Variants in NUDT1 observed in about 807,000 individuals in gnomAD.
The protein encoded by NUDT1 is oxidized purine nucleoside triphosphate hydrolase.
Under a neutral mutation model 11.3 loss-of-function variants are expected in NUDT1, and 16 were observed. The observed-to-expected ratio is 1.41, with a 90% CI of 0.96 to 2.15. The LOEUF (loss-of-function observed/expected upper bound fraction) is 2.15, where lower values mean the gene tolerates loss of function less well. NUDT1 is among the 30% of genes most tolerant of loss of function. The pLI is 0.00. For missense variants in NUDT1, 234 were observed against 208.4 expected, an observed-to-expected ratio of 1.12 and a Z score of -0.76; for synonymous variants, 101 against 84.4, an observed-to-expected ratio of 1.20 and a Z score of -1.08.
In NUDT1 at chr7:2,244,691, G is replaced by GCCCC. The variant is rs1794701173; in HGVS notation, c.118_119insCCCC (p.Gln40ProfsTer12). ...GGTGGAATGGCTTTGGGGGCAAAGT[G>GCCCC]CAAGAAGGAGAGACCATCGAGGATG... On this transcript the variant is annotated frameshift_variant, in exon 2 of 4. Coordinates refer to ENST00000356714, the MANE Select transcript of NUDT1 (RefSeq NM_002452.4). LOFTEE classifies it high-confidence loss of function. 1 of 1,612,878 alleles carries GCCCC rather than the reference G, an allele frequency of 6.2e-7. No homozygotes were observed. The highest frequency in any genetic ancestry group is 8.5e-7 in the Non-Finnish European group (1 of 1,179,690).
intron 2 of NUDT1, 49 bp downstream of exon 2, chr7:2,244,775 G>C (rs1278877070): frequency 1.3e-6 from 2 of 1,576,388 alleles, no homozygotes; most frequent in East Asian, 2.3e-5. Flanking sequence ...CCAGGGCACA[G>C]GGATTCGGGC....
intron 1 of NUDT1, 44 bp downstream of exon 1, chr7:2,242,300 G>C: frequency 1.1e-6 from 1 of 890,728 alleles, no homozygotes; most frequent in Non-Finnish European, 1.6e-6. Flanking sequence ...GTGGTGACCA[G>C]GGAGGGGAGC....
chr7:2,250,872 G>A lies in NUDT1; in HGVS notation c.342G>A (p.Lys114=). The A allele has an allele frequency of 1.2e-6, 2 of 1,614,194 alleles. No individual in the cohort carries two copies. Among genetic ancestry groups the A allele is most frequent in the Non-Finnish European group, 1.7e-6 (2 of 1,180,024 alleles). ...CWFQLDQIPF[K]DMWPDDSYWF... ...TCCAGCTGGATCAGATCCCCTTCAA[G>A]GACATGTGGCCCGACGACAGCTACT... Residue 114 remains lysine (K), a synonymous_variant, in exon 4 of 4, where the codon AAG becomes AAA. Transcript: ENST00000356714.
chr7:2,249,113 C>T (rs1350806847), intron 2 of NUDT1, among the ~76,000 whole-genome samples: 1 of 152,250 alleles, frequency 6.6e-6, no homozygotes, highest in Non-Finnish European at 1.5e-5. Context: ...CCAGGCGCAG[C>T]AGCACTTGGG....
intron 3 of NUDT1, among the ~76,000 whole-genome samples, chr7:2,250,355 C>CTG (rs1794943643): frequency 6.6e-6 from 1 of 152,220 alleles, no homozygotes. Context: ...GCACTGTGGA[C>CTG]TGTGGGAGGC....
chr7:2,246,153 CTT>C (rs1439295353), intron 2 of NUDT1, among the ~76,000 whole-genome samples: 1 of 152,176 alleles, frequency 6.6e-6, no homozygotes, highest in African/African-American at 2.4e-5. Context: ...AGCCCTTTGT[CTT>C]TGATCTGCTA....
intron 3 of NUDT1, among the ~76,000 whole-genome samples, chr7:2,250,583 A>G (rs34508443): frequency 0.19 from 28,538 of 152,014 alleles, 2,717 homozygotes; most frequent in Middle Eastern, 0.26. Context: ...TCAGCCTCCC[A>G]AGTAGCTGGG....
chr7:2,249,746 C>G lies in NUDT1; in HGVS notation c.153-111C>G, dbSNP rs1261681548. On this transcript the variant is annotated intron_variant, in intron 2 of 3. Transcript: ENST00000356714. ...ACATCCTCCTGGGTCTCCCATCCAC[C>G]CTGGTGGCTCCCTGGGCTGTGTGTA... 12 of 1,415,918 alleles carry G rather than the reference C, an allele frequency of 8.5e-6. No homozygotes were observed. The East Asian group carries it at 2.4e-4, about 29-fold the overall frequency. The allele number at this position is 1,415,918 out of a possible 1,614,324, so 87.7% of individuals were successfully genotyped here.
At chr7:2,249,727 T>A in intron 2 of NUDT1, 130 bp from the exon 3 acceptor site, 1 of 1,120,472 alleles carries the variant, frequency 8.9e-7, no homozygotes, top group Admixed American at 2.0e-5. Context: ...GGGGACATCC[T>A]CCTGGGTCTC....
In NUDT1 at chr7:2,250,147, C is replaced by A; in HGVS notation, c.298+145C>A. The A allele has an allele frequency of 3.7e-6, 4 of 1,077,926 alleles. No individual in the cohort carries two copies. The Admixed American group carries it at 8.5e-5, about 23-fold the overall frequency. 66.8% of individuals were successfully genotyped at this position (1,077,926 alleles called of 1,614,324 possible). On this transcript the variant is annotated intron_variant, in intron 3 of 3. Transcript: ENST00000356714. ...TCCACCCCACAGTGCCAGCGTGGGG[C>A]CCATGAGCCGTGGTCTCTGCACCGA...
chr7:2,250,997 T>C lies in NUDT1; in HGVS notation c.467T>C (p.Val156Ala). 2 of 1,613,842 alleles carry C rather than the reference T, an allele frequency of 1.2e-6. No homozygotes were observed. Among genetic ancestry groups the C allele is most frequent in the Non-Finnish European group, 1.7e-6 (2 of 1,179,910 alleles). The part of the protein sequence containing the change: ...LDYTLREVDT[V>A] ...TACACACTCCGCGAGGTGGACACGG[T>C]CTAGCGGGAGCCCAGGGCAGCCCCT... The change falls in exon 4 of 4, where the codon GTC becomes GCC. Residue 156 changes from valine to alanine, a missense_variant. Transcript: ENST00000356714.
At position 2,249,896 on chromosome 7, in the gene NUDT1, G is replaced by C; in HGVS notation, c.192G>C (p.Leu64=). 1 of 1,614,130 alleles carries C rather than the reference G, an allele frequency of 6.2e-7. No individual in the cohort carries two copies. The highest frequency in any genetic ancestry group is 8.5e-7 in the Non-Finnish European group (1 of 1,180,030). Residue 64 remains leucine, a synonymous_variant, in exon 3 of 4, where the codon CTG becomes CTC. Transcript: ENST00000356714. The part of the protein sequence containing the change: ...QEESGLTVDA[L]HKVGQIVFEF... ...AGAGCGGTCTGACAGTGGACGCCCT[G>C]CACAAGGTGGGCCAGATCGTGTTTG...
chr7:2,242,452 A>T, intron 1 of NUDT1, 196 bp downstream of exon 1: 1 of 492,466 alleles, frequency 2.0e-6, no homozygotes, highest in Non-Finnish European at 3.6e-6. Context: ...TTTGGGAGAG[A>T]GACAAGGAGA....
intron 1 of NUDT1, 66 bp downstream of exon 1, chr7:2,242,322 G>A: frequency 2.8e-6 from 2 of 704,598 alleles, no homozygotes; most frequent in East Asian, 6.6e-5. Flanking sequence ...GGGCCAGCGG[G>A]CGGCAGGAGA....
At chr7:2,248,538 T>G (rs1794857242) in intron 2 of NUDT1, among the ~76,000 whole-genome samples, 1 of 146,576 alleles carries the variant, frequency 6.8e-6, no homozygotes, top group Non-Finnish European at 1.5e-5. Flanking sequence ...AAAGTGTGTA[T>G]GATGTTTGCT....
chr7:2,247,295 C>T (rs966875956), intron 2 of NUDT1, among the ~76,000 whole-genome samples: 1 of 152,188 alleles, frequency 6.6e-6, no homozygotes, highest in Non-Finnish European at 1.5e-5. Context: ...ACTCCCAGGC[C>T]AAGAGCCGGT....
intron 2 of NUDT1, 27 bp from the exon 3 acceptor site, chr7:2,249,830 C>T (rs1794907093): frequency 1.9e-6 from 3 of 1,610,632 alleles, no homozygotes; most frequent in Non-Finnish European, 2.5e-6. Flanking sequence ...CTGACGGCCT[C>T]CCTCCCCTGC....
Position 2,251,123 on chromosome 7 carries a change from G to T in NUDT1, c.*122G>T. On this transcript the variant is annotated 3_prime_UTR_variant, in exon 4 of 4. Coordinates refer to ENST00000356714, the MANE Select transcript of NUDT1 (RefSeq NM_002452.4). The stretch of plus-strand genomic sequence containing the variant: ...CATCTGGAATTAACTGGATGGAAGG[G>T]AAAATAAAGCTATCTAGCGGTGGTT... 4 of 912,790 alleles carry T rather than the reference G, an allele frequency of 4.4e-6. No individual in the cohort carries two copies. The highest frequency in any genetic ancestry group is 6.9e-6 in the Non-Finnish European group (4 of 577,130). 56.5% of individuals were successfully genotyped at this position (912,790 alleles called of 1,614,324 possible). A position where few individuals can be genotyped will look rare whatever the true frequency, so the allele number is the denominator to read the frequency against.
At position 2,244,665 on chromosome 7, in the gene NUDT1, C is replaced by T. The variant is rs766416262; in HGVS notation, c.91C>T (p.Arg31Trp). 21 of 1,613,510 alleles carry T rather than the reference C, an allele frequency of 1.3e-5. No individual in the cohort carries two copies. The East Asian group carries it at 1.3e-4, about 10-fold the overall frequency. Residue 31 changes from arginine to tryptophan, a missense_variant, in exon 2 of 4, where the codon CGG becomes TGG. Physicochemically the swap from Arg to Trp is moderately radical, Grantham distance 101 (BLOSUM62 -3). Coordinates refer to ENST00000356714, the MANE Select transcript of NUDT1 (RefSeq NM_002452.4). ...GAAAAAGCGAGGCTTCGGGGCCGGC[C>T]GGTGGAATGGCTTTGGGGGCAAAGT... Reference protein sequence around the residue: ...GMKKRGFGAGRWNGFGGKVQE... With the variant: ...GMKKRGFGAGWWNGFGGKVQE...
Sources: gnomAD v4.1 joint callset for allele counts (sites outside exome capture counted in the v4.1 genomes callset) on GRCh38, gnomAD v4.1.1 for gene constraint, MANE v1.5 for transcripts, NCBI Gene and HGNC (gene_info 2026-07-23, HGNC 2026-07-21) for gene names.